The following FSTL5 variants were observed in gnomAD, a reference collection of about 807,000 sequenced individuals.
FSTL5 encodes follistatin like 5.
In FSTL5, 62 loss-of-function variants were observed where a neutral mutation model predicts 89.1. The observed-to-expected ratio is 0.70, with a 90% CI of 0.57 to 0.86. FSTL5 has a LOEUF of 0.86. FSTL5 is among the 40% of genes least tolerant of loss of function. The pLI, the probability that FSTL5 is intolerant of heterozygous loss-of-function variation, is 0.00. For missense variants in FSTL5, 1,057 were observed against 1,001.6 expected, an observed-to-expected ratio of 1.06 and a Z score of -0.75; for synonymous variants, 383 against 346.2, an observed-to-expected ratio of 1.11 and a Z score of -1.18.
chr4:161,891,368 T>C (rs1732983066), intron 4 of FSTL5, among the ~76,000 whole-genome samples: 2 of 152,132 alleles, frequency 1.3e-5, no homozygotes, highest in South Asian at 2.1e-4. Context: ...TTAAGACAAA[T>C]GTTACTCTAT....
At chr4:161,687,811 C>T (rs1737797593) in intron 6 of FSTL5, among the ~76,000 whole-genome samples, 1 of 152,164 alleles carries the variant, frequency 6.6e-6, no homozygotes, top group Non-Finnish European at 1.5e-5. Flanking sequence ...AGAATGTGTT[C>T]CCCAAAACTC....
chr4:161,541,550 AG>A (rs934504714), intron 9 of FSTL5, among the ~76,000 whole-genome samples: 2 of 152,066 alleles, frequency 1.3e-5, no homozygotes, highest in Admixed American at 1.3e-4. Flanking sequence ...CTAGGATTAA[AG>A]TTTTTAAAGT....
intron 15 of FSTL5, among the ~76,000 whole-genome samples, chr4:161,407,193 G>A (rs1336889847): frequency 6.6e-6 from 1 of 152,118 alleles, no homozygotes; most frequent in Non-Finnish European, 1.5e-5. Context: ...TTTGATTTTG[G>A]ATTTCAGGCT....
At chr4:162,029,296 T>C (rs1470990917) in intron 3 of FSTL5, among the ~76,000 whole-genome samples, 1 of 152,146 alleles carries the variant, frequency 6.6e-6, no homozygotes, top group African/African-American at 2.4e-5. Flanking sequence ...TGGTTTCATA[T>C]ACATAAGAAT....
chr4:161,989,653 C>T (rs143746714), intron 3 of FSTL5, among the ~76,000 whole-genome samples: 28 of 152,176 alleles, frequency 1.8e-4, no homozygotes, highest in South Asian at 4.2e-4. Flanking sequence ...TTACATACTA[C>T]GTGAGTCCAC....
intron 7 of FSTL5, among the ~76,000 whole-genome samples, chr4:161,622,910 A>G (rs1487648334): frequency 6.6e-6 from 1 of 152,112 alleles, no homozygotes; most frequent in Non-Finnish European, 1.5e-5. Context: ...GGACATCAGA[A>G]CAATCTATAA....
chr4:161,993,485 A>T (rs1457460864), intron 3 of FSTL5, among the ~76,000 whole-genome samples: 2 of 152,142 alleles, frequency 1.3e-5, no homozygotes, highest in Non-Finnish European at 2.9e-5. Context: ...ATTACTCAAC[A>T]GTAAATGGAA....
intron 5 of FSTL5, among the ~76,000 whole-genome samples, chr4:161,775,417 G>T (rs182640930): frequency 1.2e-4 from 19 of 152,172 alleles, no homozygotes; most frequent in Non-Finnish European, 2.5e-4. Flanking sequence ...AATTATTGAA[G>T]AAATATTGGA....
chr4:161,952,656 T>C (rs888628496), intron 3 of FSTL5, among the ~76,000 whole-genome samples: 1 of 151,938 alleles, frequency 6.6e-6, no homozygotes, highest in African/African-American at 2.4e-5. Flanking sequence ...ATATTTAAAT[T>C]CAATACATTA....
intron 6 of FSTL5, among the ~76,000 whole-genome samples, chr4:161,750,626 TAG>T (rs1479879303): frequency 6.6e-6 from 1 of 152,146 alleles, no homozygotes; most frequent in East Asian, 1.9e-4. Context: ...TGATAATACA[TAG>T]AGTGTTACCT....
At chr4:162,119,895 G>A (rs1417922451) in intron 1 of FSTL5, among the ~76,000 whole-genome samples, 1 of 151,994 alleles carries the variant, frequency 6.6e-6, no homozygotes, top group Non-Finnish European at 1.5e-5. Flanking sequence ...GGTCCATACT[G>A]TGAAAATATC....
intron 6 of FSTL5, among the ~76,000 whole-genome samples, chr4:161,663,511 T>C (rs1319588286): frequency 2.0e-5 from 3 of 152,180 alleles, no homozygotes; most frequent in Non-Finnish European, 4.4e-5. Context: ...ACTCCAGGTC[T>C]CACTTCCAGG....
intron 3 of FSTL5, among the ~76,000 whole-genome samples, chr4:162,023,784 T>A (rs1279743607): frequency 6.6e-6 from 1 of 152,156 alleles, no homozygotes; most frequent in Non-Finnish European, 1.5e-5. Flanking sequence ...ATCAAAGGAT[T>A]TGCTGCCCCT....
At chr4:161,966,729 C>A (rs186336107) in intron 3 of FSTL5, among the ~76,000 whole-genome samples, 1 of 152,042 alleles carries the variant, frequency 6.6e-6, no homozygotes, top group African/African-American at 2.4e-5. Flanking sequence ...CCTGCTGACA[C>A]GTCCATCTTG....
intron 2 of FSTL5, among the ~76,000 whole-genome samples, chr4:162,078,766 T>C (rs9996292): frequency 0.24 from 36,410 of 151,690 alleles, 5,090 homozygotes; most frequent in Non-Finnish European, 0.32. Flanking sequence ...GGAAACTGAC[T>C]ATGAGTGTCA....
In FSTL5 at chr4:161,973,168, T is replaced by C. The variant is rs141443106; in HGVS notation, c.161-52516A>G. 2.7e-3 allele frequency among the ~76,000 whole-genome samples: 408 copies of C among 152,306 alleles called. 2 individuals carry two copies. The highest frequency in any genetic ancestry group is 9.5e-3 in the African/African-American group (396 of 41,566). On this transcript the variant is annotated intron_variant, in intron 3 of 15. Transcript: ENST00000306100. The stretch of plus-strand genomic sequence containing the variant: ...TGAAGTCAGTATTTGGTGAAGTGTT[T>C]CATGTTTTTTTTTCTGTATTACGTA...
chr4:162,040,702 C>A (rs1387539756), intron 2 of FSTL5, among the ~76,000 whole-genome samples: 1 of 152,036 alleles, frequency 6.6e-6, no homozygotes, highest in Non-Finnish European at 1.5e-5. Flanking sequence ...ATCTTATCAC[C>A]TTTTATTTAA....
intron 7 of FSTL5, among the ~76,000 whole-genome samples, chr4:161,623,023 G>A (rs1735196908): frequency 6.6e-6 from 1 of 151,966 alleles, no homozygotes; most frequent in African/African-American, 2.4e-5. Context: ...GACAATAAAA[G>A]TCATAAACTA....
chr4:161,711,176 A>AGAG (rs570618104), intron 6 of FSTL5, among the ~76,000 whole-genome samples: 99 of 152,188 alleles, frequency 6.5e-4, no homozygotes, highest in African/African-American at 2.3e-3. Context: ...ATTAGAATGA[A>AGAG]GAGGATATAA....
Sources: allele counts gnomAD v4.1 joint callset (sites outside exome capture counted in the v4.1 genomes callset), GRCh38; gene constraint gnomAD v4.1.1; transcripts MANE v1.5; gene names NCBI Gene and HGNC (gene_info 2026-07-23, HGNC 2026-07-21).